The following HELQ variants were observed in gnomAD, a reference collection of about 807,000 sequenced individuals.
The protein encoded by HELQ is helicase POLQ-like.
A neutral mutation model predicts 111.6 loss-of-function variants in HELQ; 77 were observed. The ratio of observed to expected loss-of-function variants is 0.69; its 90% confidence interval spans 0.57 to 0.83. The LOEUF (loss-of-function observed/expected upper bound fraction) is 0.83, where lower values mean the gene tolerates loss of function less well. Ranked by LOEUF, HELQ falls within the 40% of genes least tolerant of loss-of-function variation. HELQ has a pLI of 0.00. For missense variants in HELQ, 1,200 were observed against 1,288.5 expected, an observed-to-expected ratio of 0.93 and a Z score of 1.05; for synonymous variants, 438 against 454.7, an observed-to-expected ratio of 0.96 and a Z score of 0.47.
intron 12 of HELQ, among the ~76,000 whole-genome samples, chr4:83,429,215 C>T (rs955012726): frequency 6.6e-6 from 1 of 152,012 alleles, no homozygotes; most frequent in Non-Finnish European, 1.5e-5. Flanking sequence ...GGTGTGATCT[C>T]GACTCACTGC....
chr4:83,452,345 A>G (rs899869403), intron 2 of HELQ, among the ~76,000 whole-genome samples: 37 of 152,194 alleles, frequency 2.4e-4, no homozygotes, highest in African/African-American at 8.4e-4. Flanking sequence ...CAAGGAAGCC[A>G]AAAGATTGGA....
At chr4:83,444,237 T>C (rs1048727674) in intron 5 of HELQ, among the ~76,000 whole-genome samples, 2 of 152,074 alleles carry the variant, frequency 1.3e-5, no homozygotes, top group African/African-American at 4.8e-5. Context: ...TGGATCCCCT[T>C]TACGAAGAGC....
In HELQ at chr4:83,411,157, CAA is replaced by C. The variant is rs35424076; in HGVS notation, c.3199-3599_3199-3598del. 9.8e-3 allele frequency among the ~76,000 whole-genome samples: 658 copies of C among 67,156 alleles called. 4 individuals are homozygous for C. The highest frequency in any genetic ancestry group is 0.028 in the African/African-American group (597 of 21,294). 44.1% of individuals were successfully genotyped at this position (67,156 alleles called of 152,430 possible). A position where few individuals can be genotyped will look rare whatever the true frequency, so the allele number is the denominator to read the frequency against. On this transcript the variant is annotated intron_variant, in intron 17 of 17. Transcript: ENST00000295488. The stretch of plus-strand genomic sequence containing the variant: ...TTGGAGTGAGAGGGAGACCTTGTCT[CAA>C]AAAAAAAAAAAAAAAAAAGAAAGTC...
chr4:83,439,836 C>A (rs1331387362), intron 8 of HELQ, 27 bp downstream of exon 8: 3 of 1,383,248 alleles, frequency 2.2e-6, no homozygotes, highest in Non-Finnish European at 3.1e-6. Context: ...AAAAATAAAA[C>A]AGGCTATTTA....
intron 2 of HELQ, among the ~76,000 whole-genome samples, chr4:83,451,672 A>T (rs183783779): frequency 6.7e-6 from 1 of 149,562 alleles, no homozygotes; most frequent in East Asian, 1.9e-4. Flanking sequence ...TCAAAAAAAA[A>T]CAAAAAAACA....
chr4:83,431,331 T>TC (rs1449821016), intron 11 of HELQ, among the ~76,000 whole-genome samples: 2 of 143,376 alleles, frequency 1.4e-5, no homozygotes, highest in African/African-American at 5.3e-5. Context: ...TTCAGTGATC[T>TC]TTTTTTTTTT....
At position 83,453,263 on chromosome 4, in the gene HELQ, T is replaced by C; in HGVS notation, c.980A>G (p.Tyr327Cys). 3 of 1,612,426 alleles carry C rather than the reference T, an allele frequency of 1.9e-6. No homozygotes were observed. Among genetic ancestry groups the C allele is most frequent in the African/African-American group, 2.7e-5 (2 of 74,942 alleles). Residue 327 changes from tyrosine (Y) to cysteine (C), a missense_variant, in exon 2 of 18, where the codon TAT becomes TGT. Coordinates refer to ENST00000295488, the MANE Select transcript of HELQ (RefSeq NM_133636.5). ...TTTTTCAATTCCCTTGAATTGGGCA[T>C]AAAGGTCTCTCACTTTGCTGGGTAA... ...YSLPSKVRDLYAQFKGIEKLY... is the reference protein window; with the variant it reads ...YSLPSKVRDLCAQFKGIEKLY...
At chr4:83,451,693 C>G (rs1578106928) in intron 2 of HELQ, among the ~76,000 whole-genome samples, 1 of 151,322 alleles carries the variant, frequency 6.6e-6, no homozygotes, top group Non-Finnish European at 1.5e-5. Context: ...AAAACAAAAA[C>G]AAAAAGATGA....
chr4:83,409,502 C>T (rs1738974091), intron 17 of HELQ, among the ~76,000 whole-genome samples: 1 of 151,290 alleles, frequency 6.6e-6, no homozygotes, highest in South Asian at 2.1e-4. Flanking sequence ...TGCAGTGAGC[C>T]AAGATTGCAC....
At chr4:83,418,415 G>GA (rs561847545) in intron 15 of HELQ, among the ~76,000 whole-genome samples, 132 of 152,180 alleles carry the variant, frequency 8.7e-4, no homozygotes, top group African/African-American at 3.2e-3. Flanking sequence ...TTAGGATGAG[G>GA]AAAAGATTGA....
At chr4:83,443,412 C>G in intron 6 of HELQ, 105 bp downstream of exon 6, 1 of 530,100 alleles carries the variant, frequency 1.9e-6, no homozygotes, top group Non-Finnish European at 3.4e-6. Flanking sequence ...AAAATATGCC[C>G]CTTCACTACT....
At chr4:83,413,788 A>C (rs1167020904) in intron 17 of HELQ, among the ~76,000 whole-genome samples, 1 of 152,220 alleles carries the variant, frequency 6.6e-6, no homozygotes, top group African/African-American at 2.4e-5. Flanking sequence ...CTGAAGCCAC[A>C]TGGAAAGGCC....
At chr4:83,434,133 G>A (rs1047852568) in intron 9 of HELQ, among the ~76,000 whole-genome samples, 13 of 151,998 alleles carry the variant, frequency 8.6e-5, no homozygotes, top group African/African-American at 2.7e-4. Context: ...CACTTCGGGA[G>A]GCCACGGTGG....
intron 11 of HELQ, among the ~76,000 whole-genome samples, chr4:83,430,406 GTC>G (rs1001379198): frequency 1.1e-4 from 17 of 150,906 alleles, no homozygotes; most frequent in African/African-American, 3.4e-4. Context: ...ACCTATTTTT[GTC>G]TCTCTCATTC....
rs758408406 is a variant in HELQ at position 83,455,536 on chromosome 4, C to T, written c.158G>A (p.Arg53Gln). 1.2e-6 allele frequency: 2 copies of T among 1,613,618 alleles called. No individual in the cohort carries two copies. Among genetic ancestry groups the T allele is most frequent in the East Asian group, 2.2e-5 (1 of 44,888 alleles). Residue 53 changes from arginine (R) to glutamine (Q), a missense_variant, in exon 1 of 18, where the codon CGG (arginine) becomes CAG (glutamine). Arg to Gln is a conservative substitution (Grantham distance 43). Around this residue, in one of 3 missense-constraint regions of HELQ, gnomAD observed 610 missense variants for 607.1 expected, o/e 1.00. Transcript: ENST00000295488. ...AACCGGCAGTACGCCCGCGGTTTTC[C>T]GCCTCCTGTTCTCAGCCACCATTTC... is the stretch of plus-strand genomic sequence containing the variant. ...EEEMVAENRR[R>Q]KTAGVLPVEV...
In HELQ at chr4:83,436,944, G is replaced by T. The variant is rs1168129346; in HGVS notation, c.1962C>A (p.Leu654=). Residue 654 remains leucine (L), a synonymous_variant, in exon 9 of 18, where the codon CTC becomes CTA. Coordinates refer to ENST00000295488, the MANE Select transcript of HELQ (RefSeq NM_133636.5). ...HSGLTSDERK[L]LEEAYSTGVL... is the part of the protein sequence containing the mutation. Reference sequence around the variant, plus strand: ...CTCCTGTGGAGTAGGCCTCCTCCAAGAGTTTCCTTTCATCACTTGTTAAGC... The same window carrying T: ...CTCCTGTGGAGTAGGCCTCCTCCAATAGTTTCCTTTCATCACTTGTTAAGC... The T allele has an allele frequency of 6.2e-7, 1 of 1,614,192 alleles. No homozygotes were observed. The highest frequency in any genetic ancestry group is 1.7e-5 in the Admixed American group (1 of 60,022).
Position 83,429,754 on chromosome 4 carries a change from A to C in HELQ, c.2296-8T>G, listed in dbSNP as rs1257104188. ...ATCAAGATTCGTTGCAATCTGAAAC[A>C]ATTCAGGATATCATTGGAGCATTTT... is the stretch of plus-strand genomic sequence containing the variant. On this transcript the variant is annotated splice_polypyrimidine_tract_variant and splice_region_variant and intron_variant, in intron 11 of 17. Transcript: ENST00000295488. 4 of 1,569,978 alleles carry C rather than the reference A, an allele frequency of 2.5e-6. No individual in the cohort carries two copies. Among genetic ancestry groups the C allele is most frequent in the Non-Finnish European group, 2.6e-6 (3 of 1,143,292 alleles).
At chr4:83,437,708 C>T (rs1720538645) in intron 8 of HELQ, among the ~76,000 whole-genome samples, 1 of 151,404 alleles carries the variant, frequency 6.6e-6, no homozygotes, top group Non-Finnish European at 1.5e-5. Context: ...CATTCCTGTA[C>T]TTCCTTTGAA....
intron 2 of HELQ, among the ~76,000 whole-genome samples, chr4:83,449,697 G>C (rs1429886656): frequency 6.6e-6 from 1 of 152,116 alleles, no homozygotes; most frequent in Non-Finnish European, 1.5e-5. Context: ...TTTATCACTA[G>C]AAAAATGGGC....
Sources: gnomAD v4.1 joint callset for allele counts (sites outside exome capture counted in the v4.1 genomes callset) on GRCh38, gnomAD v4.1.1 for gene constraint, gnomAD v4.1.1 regional missense constraint, MANE v1.5 for transcripts, NCBI Gene and HGNC (gene_info 2026-07-23, HGNC 2026-07-21) for gene names.